The following MAP2 variants were observed in gnomAD, a reference collection of about 807,000 sequenced individuals.
MAP2 encodes microtubule-associated protein 2.
MAP2 carries 14 observed loss-of-function variants against 137.6 expected under a neutral mutation model. The ratio of observed to expected loss-of-function variants is 0.10; its 90% CI spans 0.07 to 0.16. The LOEUF (loss-of-function observed/expected upper bound fraction) is 0.16, where lower values mean the gene tolerates loss of function less well. Among genes scored for constraint, MAP2 ranks in the 10% least tolerant of loss-of-function variants. The probability of loss-of-function intolerance (pLI) is 1.00; values close to 1 mark genes in which losing one functional copy is unlikely to be tolerated. For synonymous variants in MAP2, 786 were observed against 782.3 expected, an observed-to-expected ratio of 1.00 and a Z score of -0.08; for missense variants, 2,088 against 2,191.5, an observed-to-expected ratio of 0.95 and a Z score of 0.94.
chr2:209,523,023 G>T (rs184983295), intron 2 of MAP2, among the ~76,000 whole-genome samples: 3 of 152,256 alleles, frequency 2.0e-5, no homozygotes, highest in Non-Finnish European at 4.4e-5. Flanking sequence ...ATTAAAATCT[G>T]ACATTTGCAT....
chr2:209,665,571 G>T (rs2045937039), intron 5 of MAP2, among the ~76,000 whole-genome samples: 1 of 152,126 alleles, frequency 6.6e-6, no homozygotes, highest in Non-Finnish European at 1.5e-5. Flanking sequence ...GATTTAATAT[G>T]TGCCTCCTTT....
intron 5 of MAP2, among the ~76,000 whole-genome samples, chr2:209,674,621 AGATGGATGGATG>A (rs58681596): frequency 0.013 from 1,918 of 150,704 alleles, 41 homozygotes; most frequent in African/African-American, 0.043. Flanking sequence ...ATATATAGAT[AGATGGATGGATG>A]GATGGATGGA....
intron 4 of MAP2, among the ~76,000 whole-genome samples, chr2:209,643,535 C>T (rs115827602): frequency 6.6e-6 from 1 of 152,150 alleles, no homozygotes; most frequent in South Asian, 2.1e-4. Flanking sequence ...CCAAAATGAT[C>T]TAATGGTAAA....
At chr2:209,712,194 T>C (rs896924088) in intron 13 of MAP2, among the ~76,000 whole-genome samples, 4 of 152,188 alleles carry the variant, frequency 2.6e-5, no homozygotes, top group Non-Finnish European at 4.4e-5. Context: ...TCTGATTCTT[T>C]ATCATATCTG....
intron 1 of MAP2, among the ~76,000 whole-genome samples, chr2:209,482,899 T>C (rs918006051): frequency 2.6e-5 from 4 of 152,238 alleles, no homozygotes; most frequent in African/African-American, 9.6e-5. Context: ...ACAGAATCAT[T>C]GTCTGTTTTT....
At position 209,616,816 on chromosome 2, in the gene MAP2, T is replaced by G. The variant is rs115071203; in HGVS notation, c.-106-8237T>G. Among the ~76,000 whole-genome samples the G allele has an allele frequency of 5.4e-3, 818 of 152,302 alleles. 7 individuals carry two copies. Among genetic ancestry groups the G allele is most frequent in the African/African-American group, 0.019 (795 of 41,582 alleles). On this transcript the variant is annotated intron_variant, in intron 3 of 15. Transcript: ENST00000682079. ...AGACAGTGGGATGAGTATGTATTAGTCTGCCCAGCCTGCCATAAAGAACAC... is the reference window on the plus strand; with the variant it reads ...AGACAGTGGGATGAGTATGTATTAGGCTGCCCAGCCTGCCATAAAGAACAC...
chr2:209,499,776 G>C (rs997423924), intron 1 of MAP2, among the ~76,000 whole-genome samples: 1 of 152,004 alleles, frequency 6.6e-6, no homozygotes, highest in African/African-American at 2.4e-5. Context: ...ACAGGGGGTG[G>C]GGAGGAAAAG....
intron 2 of MAP2, among the ~76,000 whole-genome samples, chr2:209,531,222 A>G (rs1347482694): frequency 6.6e-6 from 1 of 152,192 alleles, no homozygotes; most frequent in South Asian, 2.1e-4. Context: ...AGGAAAGAAA[A>G]GATAATGTCC....
intron 2 of MAP2, among the ~76,000 whole-genome samples, chr2:209,529,713 G>A (rs1327898903): frequency 6.6e-6 from 1 of 152,100 alleles, no homozygotes; most frequent in Non-Finnish European, 1.5e-5. Context: ...GGTCCATAGA[G>A]AAGCAATAAA....
chr2:209,660,372 T>C (rs2042852677), intron 5 of MAP2, among the ~76,000 whole-genome samples: 1 of 150,984 alleles, frequency 6.6e-6, no homozygotes, highest in South Asian at 2.1e-4. Flanking sequence ...TATATACATT[T>C]ATTGTTGCTG....
intron 5 of MAP2, among the ~76,000 whole-genome samples, chr2:209,676,153 G>T (rs908059720): frequency 2.6e-5 from 4 of 151,832 alleles, no homozygotes; most frequent in African/African-American, 7.3e-5. Flanking sequence ...GCCCATCAAT[G>T]ATAGATTGGA....
At chr2:209,632,753 T>A (rs1036196314) in intron 4 of MAP2, among the ~76,000 whole-genome samples, 1 of 152,116 alleles carries the variant, frequency 6.6e-6, no homozygotes, top group Non-Finnish European at 1.5e-5. Context: ...TGTTTAATCC[T>A]CTTGCTTTAA....
intron 3 of MAP2, among the ~76,000 whole-genome samples, chr2:209,586,622 G>A (rs1408123392): frequency 2.0e-5 from 3 of 152,064 alleles, no homozygotes; most frequent in African/African-American, 7.2e-5. Context: ...ATTATAAAAG[G>A]GTAAGAGTAG....
At chr2:209,696,489 T>C in intron 8 of MAP2, 53 bp from the exon 9 acceptor site, 2 of 1,519,610 alleles carry the variant, frequency 1.3e-6, no homozygotes, top group East Asian at 4.5e-5. Flanking sequence ...TGTACACTTG[T>C]TACTAATGTT....
intron 12 of MAP2, among the ~76,000 whole-genome samples, chr2:209,709,363 T>A (rs961917652): frequency 6.6e-6 from 1 of 152,170 alleles, no homozygotes; most frequent in African/African-American, 2.4e-5. Flanking sequence ...TAAACACATT[T>A]ACACCTCATA....
intron 2 of MAP2, among the ~76,000 whole-genome samples, chr2:209,537,210 CTT>C (rs1426086765): frequency 6.6e-6 from 1 of 152,124 alleles, no homozygotes; most frequent in Non-Finnish European, 1.5e-5. Flanking sequence ...ATATTTCAAA[CTT>C]TTAAATTATT....
chr2:209,589,265 G>C (rs1329641510), intron 3 of MAP2, among the ~76,000 whole-genome samples: 1 of 152,152 alleles, frequency 6.6e-6, no homozygotes, highest in Non-Finnish European at 1.5e-5. Flanking sequence ...AATGGGAAAG[G>C]CAGACATTGT....
chr2:209,598,969 G>T (rs1382889390), intron 3 of MAP2, among the ~76,000 whole-genome samples: 1 of 151,916 alleles, frequency 6.6e-6, no homozygotes, highest in Non-Finnish European at 1.5e-5. Context: ...ACCCAGTAAT[G>T]GGATGGCTGG....
chr2:209,549,141 G>A (rs976280575), intron 2 of MAP2, among the ~76,000 whole-genome samples: 1 of 152,166 alleles, frequency 6.6e-6, no homozygotes, highest in Non-Finnish European at 1.5e-5. Flanking sequence ...GCTTTCTCCT[G>A]AGGATTTTTG....
Sources: allele counts gnomAD v4.1 joint callset (sites outside exome capture counted in the v4.1 genomes callset), GRCh38; gene constraint gnomAD v4.1.1; transcripts MANE v1.5; gene names NCBI Gene and HGNC (gene_info 2026-07-23, HGNC 2026-07-21).